SYT1: variants seen among roughly 807,000 people sequenced by gnomAD.
The protein encoded by SYT1 is synaptotagmin-1.
SYT1 carries 8 observed loss-of-function variants against 44.8 expected under a neutral mutation model. That is an observed-to-expected ratio of 0.18 (90% CI 0.10 to 0.32). The LOEUF (loss-of-function observed/expected upper bound fraction) is 0.32. Among genes scored for constraint, SYT1 ranks in the 10% least tolerant of loss-of-function variants. SYT1 has a pLI of 1.00. For missense variants in SYT1, 286 were observed against 509.3 expected, an observed-to-expected ratio of 0.56 and a Z score of 4.22; for synonymous variants, 154 against 188.8, an observed-to-expected ratio of 0.82 and a Z score of 1.51.
chr12:79,162,548 T>G (rs1167056227), intron 3 of SYT1, among the ~76,000 whole-genome samples: 1 of 152,146 alleles, frequency 6.6e-6, no homozygotes, highest in Non-Finnish European at 1.5e-5. Flanking sequence ...CTCTCTGGCC[T>G]TCTCAGAATT....
At chr12:78,898,585 A>G (rs914103250) in intron 1 of SYT1, among the ~76,000 whole-genome samples, 3 of 152,090 alleles carry the variant, frequency 2.0e-5, no homozygotes, top group African/African-American at 4.8e-5. Context: ...ATGCCATTCT[A>G]TGGCCCTAGT....
At chr12:79,084,881 T>C (rs1388812112) in intron 3 of SYT1, among the ~76,000 whole-genome samples, 1 of 152,146 alleles carries the variant, frequency 6.6e-6, no homozygotes, top group East Asian at 1.9e-4. Flanking sequence ...GCCAAAATGC[T>C]TGGGACCAGA....
chr12:79,389,144 C>T (rs761760411), intron 9 of SYT1, among the ~76,000 whole-genome samples: 19 of 152,054 alleles, frequency 1.2e-4, no homozygotes, highest in Non-Finnish European at 2.6e-4. Flanking sequence ...ATAAACAAAC[C>T]CTGACAAGAA....
chr12:79,131,499 A>T (rs1230081402), intron 3 of SYT1, among the ~76,000 whole-genome samples: 1 of 152,170 alleles, frequency 6.6e-6, no homozygotes, highest in Non-Finnish European at 1.5e-5. Context: ...AGGGACTTCC[A>T]CAATTATGTT....
chr12:79,305,092 C>T (rs1198124779), intron 8 of SYT1, among the ~76,000 whole-genome samples: 1 of 152,108 alleles, frequency 6.6e-6, no homozygotes, highest in Non-Finnish European at 1.5e-5. Context: ...TAGGAAAAAG[C>T]AAATAACTTG....
intron 3 of SYT1, among the ~76,000 whole-genome samples, chr12:79,116,620 A>G (rs1327466751): frequency 6.6e-6 from 1 of 152,202 alleles, no homozygotes; most frequent in East Asian, 1.9e-4. Context: ...CACTTTTACC[A>G]GGCTTGCCCT....
At chr12:78,920,585 T>C (rs1419664340) in intron 1 of SYT1, among the ~76,000 whole-genome samples, 1 of 151,880 alleles carries the variant, frequency 6.6e-6, no homozygotes, top group Non-Finnish European at 1.5e-5. Context: ...GTTCTCTAAA[T>C]AAGCATTTTT....
intron 2 of SYT1, among the ~76,000 whole-genome samples, chr12:79,003,462 T>C (rs1365422651): frequency 1.3e-5 from 2 of 151,866 alleles, no homozygotes; most frequent in Non-Finnish European, 2.9e-5. Flanking sequence ...AGTGGCGGAG[T>C]TGTAGCTTAT....
At chr12:79,249,104 TTTTTTTTTTTTG>T in intron 4 of SYT1, among the ~76,000 whole-genome samples, 1 of 118,406 alleles carries the variant, frequency 8.4e-6, no homozygotes, top group Non-Finnish European at 1.7e-5. Context: ...TTTTTTTTTT[TTTTTTTTTTTTG>T]AGACGGAGTC....
intron 9 of SYT1, among the ~76,000 whole-genome samples, chr12:79,432,298 G>T (rs1395569333): frequency 2.6e-5 from 4 of 151,404 alleles, no homozygotes; most frequent in African/African-American, 9.7e-5. Flanking sequence ...GTGCCATGTT[G>T]GTTTGCTGCA....
rs1410737065 is a variant in SYT1 at position 79,179,309 on chromosome 12, T to TATATAG, written c.-17-38170_-17-38165dup. 3.9e-3 allele frequency among the ~76,000 whole-genome samples: 207 copies of TATATAG among 53,636 alleles called. 2 individuals carry two copies. Among genetic ancestry groups the TATATAG allele is most frequent in the African/African-American group, 0.018 (178 of 10,046 alleles). The allele number at this position is 53,636 out of a possible 152,430, so 35.2% of individuals were successfully genotyped here. A position where few individuals can be genotyped will look rare whatever the true frequency, so the allele number is the denominator to read the frequency against. On this transcript the variant is annotated intron_variant, in intron 3 of 10. Transcript: ENST00000261205. ...ATATAGATACAGATTTAGATATATC[T>TATATAG]ATATAGATATAGATATAGATATAGA...
intron 2 of SYT1, among the ~76,000 whole-genome samples, chr12:79,020,519 A>G (rs114878531): frequency 0.011 from 1,643 of 152,150 alleles, 33 homozygotes; most frequent in African/African-American, 0.038. Context: ...CAGGAAACCA[A>G]TATAAACAAC....
At chr12:79,328,051 C>A (rs1881684939) in intron 8 of SYT1, among the ~76,000 whole-genome samples, 2 of 152,094 alleles carry the variant, frequency 1.3e-5, no homozygotes, top group South Asian at 4.1e-4. Flanking sequence ...CTGTCAGTGG[C>A]CACATCAGCT....
At chr12:79,132,059 A>T (rs1422575432) in intron 3 of SYT1, among the ~76,000 whole-genome samples, 4 of 152,228 alleles carry the variant, frequency 2.6e-5, no homozygotes, top group African/African-American at 4.8e-5. Flanking sequence ...TCTTCCTATT[A>T]GAAATTGTTA....
chr12:79,108,353 A>G (rs1371725215), intron 3 of SYT1, among the ~76,000 whole-genome samples: 5 of 152,098 alleles, frequency 3.3e-5, no homozygotes, highest in African/African-American at 1.2e-4. Context: ...TAATATGTAA[A>G]CATATGTATC....
intron 1 of SYT1, among the ~76,000 whole-genome samples, chr12:78,973,397 G>T (rs946862779): frequency 1.3e-5 from 2 of 151,930 alleles, no homozygotes; most frequent in African/African-American, 4.8e-5. Flanking sequence ...CATCTCCCCA[G>T]CCCAACATCT....
intron 3 of SYT1, among the ~76,000 whole-genome samples, chr12:79,056,404 A>C (rs1874946923): frequency 6.6e-6 from 1 of 152,100 alleles, no homozygotes; most frequent in Non-Finnish European, 1.5e-5. Flanking sequence ...CAGAAATTAG[A>C]CAATCTCAAT....
chr12:78,923,551 T>C (rs1877125506), intron 1 of SYT1, among the ~76,000 whole-genome samples: 1 of 145,100 alleles, frequency 6.9e-6, no homozygotes, highest in Non-Finnish European at 1.5e-5. Context: ...ATTATAGAAC[T>C]ATTTAAAAAA....
At chr12:78,870,217 G>T (rs558859832) in intron 1 of SYT1, among the ~76,000 whole-genome samples, 1 of 151,936 alleles carries the variant, frequency 6.6e-6, no homozygotes, top group Non-Finnish European at 1.5e-5. Context: ...ACCATGCTAC[G>T]GCAATCATAA....
Sources: gnomAD v4.1 joint callset for allele counts (sites outside exome capture counted in the v4.1 genomes callset) on GRCh38, gnomAD v4.1.1 for gene constraint, MANE v1.5 for transcripts, NCBI Gene and HGNC (gene_info 2026-07-23, HGNC 2026-07-21) for gene names.